Variants in RBFOX1 observed in about 807,000 individuals in gnomAD.
The protein encoded by RBFOX1 is RNA binding fox-1 homolog 1, also known as RNA binding protein fox-1 homolog 1.
Under a neutral mutation model 57.7 loss-of-function variants are expected in RBFOX1, and 8 were observed. The ratio of observed to expected loss-of-function variants is 0.14; its 90% CI spans 0.08 to 0.25. The LOEUF is 0.25. RBFOX1 is among the 10% of genes least tolerant of loss of function. The pLI is 1.00. For missense variants in RBFOX1, 611 were observed against 548.5 expected (o/e 1.11, Z -1.14); for synonymous variants, 326 against 222.4 (o/e 1.47, Z -4.15).
chr16:6,703,706 CAAAAGAAAAAAAAG>C (rs1442740169), intron 3 of RBFOX1, among the ~76,000 whole-genome samples: 4 of 151,112 alleles, frequency 2.6e-5, no homozygotes, highest in South Asian at 2.1e-4. Context: ...GACCCAGTTT[CAAAAGAAAAAAAAG>C]AAAAGAAAAA....
chr16:6,456,741 C>T (rs1274479146), intron 2 of RBFOX1, among the ~76,000 whole-genome samples: 5 of 152,138 alleles, frequency 3.3e-5, no homozygotes, highest in South Asian at 4.2e-4. Context: ...TGAATGGATC[C>T]GTGAGACACA....
At chr16:6,104,909 G>T (rs549566321) in intron 1 of RBFOX1, among the ~76,000 whole-genome samples, 3 of 152,148 alleles carry the variant, frequency 2.0e-5, no homozygotes, top group Non-Finnish European at 4.4e-5. Flanking sequence ...GATTTTGATT[G>T]CAATTTTCCA....
intron 2 of RBFOX1, among the ~76,000 whole-genome samples, chr16:6,641,029 C>G (rs914946672): frequency 3.3e-5 from 5 of 152,164 alleles, no homozygotes; most frequent in African/African-American, 1.2e-4. Context: ...ACTTGATGGG[C>G]GTAAACTCAC....
At chr16:5,890,986 A>G (rs1002626456) in intron 4 of RBFOX1, among the ~76,000 whole-genome samples, 5 of 152,178 alleles carry the variant, frequency 3.3e-5, no homozygotes, top group African/African-American at 1.2e-4. Context: ...AATGGGGATG[A>G]ACTGAGATTA....
chr16:5,375,469 C>T (rs951682665), intron 1 of RBFOX1, among the ~76,000 whole-genome samples: 6 of 151,820 alleles, frequency 4.0e-5, no homozygotes, highest in South Asian at 4.1e-4. Flanking sequence ...GGGATAGTGA[C>T]GGTGATAAGT....
At chr16:6,218,263 G>T (rs1309005705) in intron 1 of RBFOX1, among the ~76,000 whole-genome samples, 1 of 149,174 alleles carries the variant, frequency 6.7e-6, no homozygotes, top group Non-Finnish European at 1.5e-5. Context: ...CTATAAACAG[G>T]ACTAGTGAAG....
chr16:6,775,167 T>C, intron 3 of RBFOX1, among the ~76,000 whole-genome samples: 1 of 89,192 alleles, frequency 1.1e-5, no homozygotes, highest in East Asian at 4.5e-4. Flanking sequence ...CTACTAAAAG[T>C]ACAAAAAAAA....
intron 2 of RBFOX1, among the ~76,000 whole-genome samples, chr16:5,548,573 G>A (rs925864049): frequency 1.3e-5 from 2 of 151,910 alleles, no homozygotes; most frequent in Non-Finnish European, 2.9e-5. Context: ...TCCATGATGT[G>A]TTTATTTCAC....
At position 6,649,992 on chromosome 16, in the gene RBFOX1, C is replaced by T. The variant is rs141680420; in HGVS notation, c.-63-4611C>T. 8.2e-3 allele frequency among the ~76,000 whole-genome samples: 1,244 copies of T among 152,158 alleles called. 23 individuals are homozygous for T. Among genetic ancestry groups the T allele is most frequent in the African/African-American group, 0.028 (1,152 of 41,500 alleles). Reference sequence around the variant, plus strand: ...AAAAGTGGGGTATTCAGTTTGATTCCCTATCTTGGCTATTGTGAATAATGC... The same window carrying T: ...AAAAGTGGGGTATTCAGTTTGATTCTCTATCTTGGCTATTGTGAATAATGC... On this transcript the variant is annotated intron_variant, in intron 2 of 15. Transcript: ENST00000550418.
chr16:6,260,889 G>C (rs531025783), intron 1 of RBFOX1, among the ~76,000 whole-genome samples: 2 of 151,844 alleles, frequency 1.3e-5, no homozygotes, highest in Non-Finnish European at 2.9e-5. Flanking sequence ...TCAAAAAAAA[G>C]GAAAGAAAAA....
intron 1 of RBFOX1, among the ~76,000 whole-genome samples, chr16:5,294,650 C>T (rs1332690545): frequency 6.6e-6 from 1 of 152,048 alleles, no homozygotes; most frequent in African/African-American, 2.4e-5. Flanking sequence ...TTCTGAACAC[C>T]CCTATGTTTC....
chr16:5,991,466 AG>A (rs1429021856), intron 4 of RBFOX1, among the ~76,000 whole-genome samples: 2 of 152,066 alleles, frequency 1.3e-5, no homozygotes, highest in African/African-American at 4.8e-5. Context: ...ATTAGCCTCT[AG>A]TTTGTTTGGA....
At chr16:6,727,907 C>T (rs1047379055) in intron 3 of RBFOX1, among the ~76,000 whole-genome samples, 1 of 152,178 alleles carries the variant, frequency 6.6e-6, no homozygotes, top group African/African-American at 2.4e-5. Flanking sequence ...TGAAATCATA[C>T]AGCCTGTTTT....
At chr16:7,657,600 C>G (rs1463880112) in intron 12 of RBFOX1, among the ~76,000 whole-genome samples, 5 of 152,232 alleles carry the variant, frequency 3.3e-5, no homozygotes, top group Non-Finnish European at 5.9e-5. Flanking sequence ...CCACTGCGCA[C>G]AGACATTCAT....
At chr16:7,488,467 C>G (rs1432303108) in intron 4 of RBFOX1, among the ~76,000 whole-genome samples, 1 of 152,180 alleles carries the variant, frequency 6.6e-6, no homozygotes, top group Non-Finnish European at 1.5e-5. Flanking sequence ...TTCTATCACT[C>G]TGTACATTCA....
chr16:6,290,544 T>C (rs898061789), intron 1 of RBFOX1, among the ~76,000 whole-genome samples: 1 of 152,182 alleles, frequency 6.6e-6, no homozygotes, highest in Admixed American at 6.5e-5. Flanking sequence ...TCCGTGTGAA[T>C]AACATGTGGA....
At chr16:7,318,854 A>G (rs564381461) in intron 4 of RBFOX1, among the ~76,000 whole-genome samples, 51 of 152,318 alleles carry the variant, frequency 3.3e-4, no homozygotes, top group Non-Finnish European at 6.8e-4. Flanking sequence ...AGAGCGCAAC[A>G]TGAAAAAGAC....
chr16:5,986,588 T>TCTAAAATGTTGTCATTC (rs373813227), intron 4 of RBFOX1, among the ~76,000 whole-genome samples: 2 of 152,342 alleles, frequency 1.3e-5, no homozygotes, highest in African/African-American at 4.8e-5. Context: ...GTTGTCTGTA[T>TCTAAAATGTTGTCATTC]CTAAAATGTT....
intron 14 of RBFOX1, among the ~76,000 whole-genome samples, chr16:7,700,628 A>C (rs1295548668): frequency 1.3e-5 from 2 of 152,202 alleles, no homozygotes; most frequent in Non-Finnish European, 2.9e-5. Flanking sequence ...GGAGAAATGA[A>C]ATTTCTAAGA....
Sources: allele counts gnomAD v4.1 joint callset (sites outside exome capture counted in the v4.1 genomes callset), GRCh38; gene constraint gnomAD v4.1.1; transcripts MANE v1.5; gene names NCBI Gene and HGNC (gene_info 2026-07-23, HGNC 2026-07-21).